Variants in TTC39B observed in about 807,000 individuals in gnomAD.
TTC39B encodes the protein tetratricopeptide repeat domain 39B.
In TTC39B, 92 loss-of-function variants were observed where a neutral mutation model predicts 96.6. That is an observed-to-expected ratio of 0.95 (90% CI 0.80 to 1.13). TTC39B has a LOEUF of 1.13. Ranked by LOEUF, TTC39B falls within the 50% of genes most tolerant of loss-of-function variation. The probability of loss-of-function intolerance (pLI) is 0.00; values close to 1 mark genes in which losing one functional copy is unlikely to be tolerated. For synonymous variants in TTC39B, 367 were observed against 299.4 expected, an observed-to-expected ratio of 1.23 and a Z score of -2.33; for missense variants, 955 against 809.3, an observed-to-expected ratio of 1.18 and a Z score of -2.18.
rs370352342 is a variant in TTC39B, at chr9:15,233,273, C to T, written c.276-7261G>A. Among the ~76,000 whole-genome samples, 69 of 152,244 alleles carry T rather than the reference C, an allele frequency of 4.5e-4. No homozygotes were observed. The South Asian group carries it at 0.014, about 30-fold the overall frequency. On this transcript the variant is annotated intron_variant, in intron 2 of 19. Transcript: ENST00000512701. Reference sequence around the variant, plus strand: ...TCCGCAGATGTGGTTTCCACCTGGCCGGTGCCATGACACCGGAACACACGG... The same window carrying T: ...TCCGCAGATGTGGTTTCCACCTGGCTGGTGCCATGACACCGGAACACACGG...
intron 3 of TTC39B, among the ~76,000 whole-genome samples, chr9:15,218,305 T>C: frequency 6.6e-6 from 1 of 151,980 alleles, no homozygotes; most frequent in South Asian, 2.1e-4. Context: ...CAAGCCATTC[T>C]CTAGCCTTGT....
chr9:15,263,377 G>T (rs1036380789), intron 2 of TTC39B, among the ~76,000 whole-genome samples: 2 of 152,030 alleles, frequency 1.3e-5, no homozygotes, highest in African/African-American at 4.8e-5. Context: ...CAGAGAAACT[G>T]CCCAGGCCTC....
chr9:15,197,833 T>A (rs1019106107), intron 8 of TTC39B, among the ~76,000 whole-genome samples: 1 of 150,380 alleles, frequency 6.6e-6, no homozygotes, highest in African/African-American at 2.5e-5. Flanking sequence ...AGGACGCCAG[T>A]TTTAAAGGGC....
At chr9:15,288,103 T>A (rs769384445) in intron 1 of TTC39B, among the ~76,000 whole-genome samples, 3 of 152,150 alleles carry the variant, frequency 2.0e-5, no homozygotes, top group Non-Finnish European at 4.4e-5. Flanking sequence ...CAAACTACAT[T>A]TTGATAGATT....
chr9:15,289,677 T>C (rs1824110645), intron 1 of TTC39B, among the ~76,000 whole-genome samples: 1 of 152,218 alleles, frequency 6.6e-6, no homozygotes, highest in Non-Finnish European at 1.5e-5. Context: ...GAGGCTGATT[T>C]TTTTTTATTC....
At chr9:15,304,426 T>A (rs560466901) in intron 1 of TTC39B, among the ~76,000 whole-genome samples, 68 of 152,218 alleles carry the variant, frequency 4.5e-4, no homozygotes, top group African/African-American at 1.6e-3. Context: ...AATAACCAAT[T>A]TTTGCCTCCA....
At chr9:15,270,296 T>C (rs958415636) in intron 1 of TTC39B, among the ~76,000 whole-genome samples, 3 of 152,068 alleles carry the variant, frequency 2.0e-5, no homozygotes, top group Admixed American at 1.3e-4. Context: ...ACACAGGTTA[T>C]CATGTGAGTA....
chr9:15,274,014 A>G (rs976279705), intron 1 of TTC39B, among the ~76,000 whole-genome samples: 4 of 152,234 alleles, frequency 2.6e-5, no homozygotes, highest in African/African-American at 9.6e-5. Context: ...GCATTATCAT[A>G]GTGACTGACA....
chr9:15,279,212 C>G (rs139247187), intron 1 of TTC39B, among the ~76,000 whole-genome samples: 2 of 152,094 alleles, frequency 1.3e-5, no homozygotes, highest in Admixed American at 1.3e-4. Context: ...CAAAAAGAAA[C>G]CTCCTGCATG....
At position 15,285,736 on chromosome 9, in the gene TTC39B, T is replaced by A. The variant is rs186430006; in HGVS notation, c.241-17788A>T. 1.1e-3 allele frequency among the ~76,000 whole-genome samples: 163 copies of A among 152,004 alleles called. 1 individual carries two copies. The highest frequency in any genetic ancestry group is 5.8e-3 in the Admixed American group (88 of 15,288). ...CGGGCTTGGTGGCGGGCGCCTGTAG[T>A]CCCAGCTACTCAGGAGGCTGAGGCA... is the stretch of plus-strand genomic sequence containing the variant. On this transcript the variant is annotated intron_variant, in intron 1 of 19. Coordinates refer to ENST00000512701, the Ensembl canonical transcript of TTC39B.
intron 1 of TTC39B, among the ~76,000 whole-genome samples, chr9:15,281,999 T>C (rs760112641): frequency 6.6e-6 from 1 of 152,220 alleles, no homozygotes; most frequent in Non-Finnish European, 1.5e-5. Context: ...TTTTATTATG[T>C]AGGAAAACAA....
chr9:15,281,352 C>T (rs190697103), intron 1 of TTC39B, among the ~76,000 whole-genome samples: 158 of 152,148 alleles, frequency 1.0e-3, no homozygotes, highest in Non-Finnish European at 2.0e-3. Flanking sequence ...ACAGTAAGTA[C>T]GAAATAATGT....
chr9:15,231,075 T>G (rs1002355497), intron 2 of TTC39B, among the ~76,000 whole-genome samples: 17 of 152,220 alleles, frequency 1.1e-4, no homozygotes, highest in Admixed American at 8.5e-4. Context: ...AATGCTAAAT[T>G]ATGGTATGTG....
At chr9:15,177,286 T>C (rs1433831754) in intron 18 of TTC39B, among the ~76,000 whole-genome samples, 1 of 152,088 alleles carries the variant, frequency 6.6e-6, no homozygotes, top group African/African-American at 2.4e-5. Flanking sequence ...TGAGCCATGA[T>C]TGTACTACTT....
intron 1 of TTC39B, among the ~76,000 whole-genome samples, chr9:15,297,893 T>C (rs1275233004): frequency 6.6e-6 from 1 of 152,104 alleles, no homozygotes; most frequent in Non-Finnish European, 1.5e-5. Context: ...GGTGTCAAGT[T>C]GACTGGATTA....
intron 3 of TTC39B, among the ~76,000 whole-genome samples, chr9:15,214,476 CA>C (rs1820401124): frequency 6.6e-6 from 1 of 152,032 alleles, no homozygotes; most frequent in Non-Finnish European, 1.5e-5. Flanking sequence ...GAGACCTCTA[CA>C]GGTAATTAGA....
chr9:15,209,179 AC>A (rs2131341196), intron 6 of TTC39B, among the ~76,000 whole-genome samples: 1 of 151,960 alleles, frequency 6.6e-6, no homozygotes, highest in South Asian at 2.1e-4. Flanking sequence ...TTTTCCTTCT[AC>A]AGGAATATTT....
chr9:15,212,833 T>C (rs1820286669), intron 4 of TTC39B, among the ~76,000 whole-genome samples: 1 of 152,178 alleles, frequency 6.6e-6, no homozygotes, highest in Non-Finnish European at 1.5e-5. Context: ...AAAGACTCGT[T>C]TGAATAAAAA....
chr9:15,227,678 G>A (rs1297707473), intron 2 of TTC39B, among the ~76,000 whole-genome samples: 4 of 152,136 alleles, frequency 2.6e-5, no homozygotes, highest in Non-Finnish European at 5.9e-5. Flanking sequence ...AAGAGGAAGT[G>A]ACCGACTGAA....
Sources: allele counts gnomAD v4.1 joint callset (sites outside exome capture counted in the v4.1 genomes callset), GRCh38; gene constraint gnomAD v4.1.1; transcripts MANE v1.5; gene names NCBI Gene and HGNC (gene_info 2026-07-23, HGNC 2026-07-21).